The following POPDC1 variants were observed in gnomAD, a reference collection of about 807,000 sequenced individuals.
POPDC1 encodes popeye domain cAMP effector 1, also known as popeye domain-containing protein 1.
the POPDC1 span, among the ~76,000 whole-genome samples, chr6:105,131,826 T>TA: frequency 2.3e-4 from 25 of 109,940 alleles, no homozygotes; most frequent in Non-Finnish European, 2.8e-4. Flanking sequence ...TTTGCTTTTT[T>TA]ATAGGGTACG....
At chr6:105,102,111 C>G in the POPDC1 span, among the ~76,000 whole-genome samples, 3 of 152,216 alleles carry the variant, frequency 2.0e-5, no homozygotes, top group Admixed American at 6.5e-5. Flanking sequence ...TGCCCACACC[C>G]ATATCTTCGC....
At chr6:105,131,500 C>T in the POPDC1 span, among the ~76,000 whole-genome samples, 1 of 151,940 alleles carries the variant, frequency 6.6e-6, no homozygotes, top group Admixed American at 6.6e-5. Context: ...GCAACAGCCT[C>T]GACATCCCAG....
chr6:105,118,905 C>T, the POPDC1 span, among the ~76,000 whole-genome samples: 4 of 151,974 alleles, frequency 2.6e-5, no homozygotes, highest in African/African-American at 4.8e-5. Flanking sequence ...AAAAATTAGC[C>T]GGGCATACTG....
At chr6:105,116,837 A>G in the POPDC1 span, 1 of 1,612,492 alleles carries the variant, frequency 6.2e-7, no homozygotes, top group Non-Finnish European at 8.5e-7. Context: ...CCAGCATAAA[A>G]ATCTGCAGTT....
chr6:105,101,195 T>C, the POPDC1 span: 40 of 1,612,382 alleles, frequency 2.5e-5, no homozygotes, highest in Admixed American at 8.4e-5. Context: ...AGAGGCTCGC[T>C]GGTGTGGGGA....
At chr6:105,125,971 C>A in the POPDC1 span, among the ~76,000 whole-genome samples, 2 of 152,060 alleles carry the variant, frequency 1.3e-5, no homozygotes, top group Non-Finnish European at 2.9e-5. Flanking sequence ...CGCCTGTAAT[C>A]CCAGCACTTT....
chr6:105,107,206 G>C, the POPDC1 span, among the ~76,000 whole-genome samples: 5 of 152,048 alleles, frequency 3.3e-5, no homozygotes, highest in East Asian at 9.7e-4. Flanking sequence ...GTGAGAACAT[G>C]TTAAGTTTGT....
chr6:105,128,081 G>A, the POPDC1 span, among the ~76,000 whole-genome samples: 1 of 152,196 alleles, frequency 6.6e-6, no homozygotes, highest in Non-Finnish European at 1.5e-5. Context: ...CTCTTTGAAA[G>A]CATTTACTCA....
At chr6:105,101,122 A>G in the POPDC1 span, 1 of 1,613,714 alleles carries the variant, frequency 6.2e-7, no homozygotes, top group Non-Finnish European at 8.5e-7. Context: ...ATGTATTTGG[A>G]GATGCCGGTT....
chr6:105,127,991 C>A, the POPDC1 span, among the ~76,000 whole-genome samples: 1 of 152,214 alleles, frequency 6.6e-6, no homozygotes, highest in Middle Eastern at 3.2e-3. Context: ...AACTCCTGAC[C>A]TCAGATGACC....
chr6:105,105,234 CT>C, the POPDC1 span, among the ~76,000 whole-genome samples: 1 of 152,198 alleles, frequency 6.6e-6, no homozygotes, highest in Non-Finnish European at 1.5e-5. Flanking sequence ...CTTTTTCCAC[CT>C]TGGTAGACAC....
chr6:105,131,668 A>G, the POPDC1 span, among the ~76,000 whole-genome samples: 6 of 152,300 alleles, frequency 3.9e-5, no homozygotes, highest in African/African-American at 1.4e-4. Context: ...CTCTCACTTC[A>G]GCCTCTCAAA....
At chr6:105,134,145 C>T in the POPDC1 span, among the ~76,000 whole-genome samples, 1 of 152,070 alleles carries the variant, frequency 6.6e-6, no homozygotes, top group African/African-American at 2.4e-5. Context: ...ATCATACATA[C>T]ATAATACATT....
At chr6:105,110,064 C>T in the POPDC1 span, among the ~76,000 whole-genome samples, 73 of 152,274 alleles carry the variant, frequency 4.8e-4, no homozygotes, top group African/African-American at 1.7e-3. Flanking sequence ...GAGGCCCCCT[C>T]CTGGGGCGAG....
chr6:105,124,736 G>A, the POPDC1 span: 6 of 1,037,474 alleles, frequency 5.8e-6, no homozygotes, highest in African/African-American at 3.2e-5. Flanking sequence ...CATCTTATGC[G>A]ATTTTATTTT....
the POPDC1 span, among the ~76,000 whole-genome samples, chr6:105,126,226 CAA>C: frequency 9.2e-6 from 1 of 108,300 alleles, no homozygotes; most frequent in African/African-American, 3.4e-5. Flanking sequence ...AACTCGGTAT[CAA>C]AAAAAAATAA....
the POPDC1 span, among the ~76,000 whole-genome samples, chr6:105,109,145 A>G: frequency 2.0e-5 from 3 of 151,986 alleles, no homozygotes; most frequent in Non-Finnish European, 4.4e-5. Flanking sequence ...TTTTGTAGAG[A>G]CAGAGTTTTG....
chr6:105,133,650 A>G, the POPDC1 span: 1 of 1,152,050 alleles, frequency 8.7e-7, no homozygotes. Context: ...TTTTACCTTC[A>G]TAGGTATTAT....
chr6:105,107,634 C>T, the POPDC1 span, among the ~76,000 whole-genome samples: 2 of 152,166 alleles, frequency 1.3e-5, no homozygotes, highest in African/African-American at 4.8e-5. Context: ...ATTTTCTTTT[C>T]TCCCCTGTTA....
Sources: allele counts gnomAD v4.1 joint callset (sites outside exome capture counted in the v4.1 genomes callset), GRCh38; gene constraint gnomAD v4.1.1; transcripts MANE v1.5; gene names NCBI Gene and HGNC (gene_info 2026-07-23, HGNC 2026-07-21).